The following CACNB2 variants were observed in gnomAD, a reference collection of about 807,000 sequenced individuals.
CACNB2 encodes calcium voltage-gated channel auxiliary subunit beta 2.
A neutral mutation model predicts 73.3 loss-of-function variants in CACNB2; 42 were observed. That is an observed-to-expected ratio of 0.57 (90% CI 0.45 to 0.74). CACNB2 has a LOEUF of 0.74. CACNB2 is among the 30% of genes least tolerant of loss of function. The probability of loss-of-function intolerance (pLI) is 0.00; values close to 1 mark genes in which losing one functional copy is unlikely to be tolerated. For missense variants in CACNB2, 940 were observed against 853.0 expected, an observed-to-expected ratio of 1.10 and a Z score of -1.27; for synonymous variants, 348 against 310.3, an observed-to-expected ratio of 1.12 and a Z score of -1.28.
intron 2 of CACNB2, among the ~76,000 whole-genome samples, chr10:18,156,477 T>A (rs1588569403): frequency 6.6e-6 from 1 of 152,194 alleles, no homozygotes; most frequent in Non-Finnish European, 1.5e-5. Context: ...GGAAACTGGA[T>A]TCATGTTAGC....
chr10:18,347,557 C>CT (rs11326102), intron 2 of CACNB2, among the ~76,000 whole-genome samples: 237 of 148,996 alleles, frequency 1.6e-3, no homozygotes, highest in African/African-American at 5.6e-3. Flanking sequence ...CATCTCTAGG[C>CT]TTTTTTTTTT....
intron 2 of CACNB2, among the ~76,000 whole-genome samples, chr10:18,333,718 T>C (rs1394412987): frequency 1.3e-5 from 2 of 152,204 alleles, no homozygotes; most frequent in Non-Finnish European, 2.9e-5. Context: ...AGCATGGTCT[T>C]GTATAATCAA....
At chr10:18,412,647 A>C (rs529021237) in intron 3 of CACNB2, among the ~76,000 whole-genome samples, 60 of 152,338 alleles carry the variant, frequency 3.9e-4, no homozygotes, top group African/African-American at 1.2e-3. Context: ...TTTGTCTTGC[A>C]GGTGCTGGTA....
rs533516121 is a variant in CACNB2, at chr10:18,532,666, G to C, written c.1055-1410G>C. On this transcript the variant is annotated intron_variant, in intron 10 of 13. Coordinates refer to ENST00000324631, the MANE Select transcript of CACNB2 (RefSeq NM_201596.3). Reference sequence around the variant, plus strand: ...CACTCCAGCCTGGGAGACAGAGAGAGACTCTGTCTCAAAAAAAAAAAAAAA... The same window carrying C: ...CACTCCAGCCTGGGAGACAGAGAGACACTCTGTCTCAAAAAAAAAAAAAAA... Among the ~76,000 whole-genome samples, 32 of 115,128 alleles carry C rather than the reference G, an allele frequency of 2.8e-4. 1 individual carries two copies. In the South Asian group the frequency reaches 7.9e-3, roughly 29 times the overall value. The allele number at this position is 115,128 out of a possible 152,430, so 75.5% of individuals were successfully genotyped here.
rs1417541681 is a variant in CACNB2, at chr10:18,261,023, TGAA to T, written c.213+110054_213+110056del. On this transcript the variant is annotated intron_variant, in intron 2 of 13. Transcript: ENST00000324631. ...GATTTTTGCAAATAGGAAACCCCCT[TGAA>T]GAAGATCTCAAATTACGCCCCCCAC... 16 of 1,382,236 alleles carry T rather than the reference TGAA, an allele frequency of 1.2e-5. No homozygotes were observed. In the Admixed American group the frequency reaches 4.8e-4, roughly 41 times the overall value. The allele number at this position is 1,382,236 out of a possible 1,614,324, so 85.6% of individuals were successfully genotyped here.
intron 3 of CACNB2, among the ~76,000 whole-genome samples, chr10:18,419,073 C>T (rs944957908): frequency 2.0e-5 from 3 of 152,200 alleles, no homozygotes; most frequent in African/African-American, 7.2e-5. Flanking sequence ...CACTCATCCC[C>T]AGGCAGAATT....
In CACNB2 at chr10:18,480,772, T is replaced by G. The variant is rs558577354; in HGVS notation, c.334-17583T>G. On this transcript the variant is annotated intron_variant, in intron 3 of 13. Coordinates refer to ENST00000324631, the MANE Select transcript of CACNB2 (RefSeq NM_201596.3). ...CGAATTTATCCCCTGCTGGTGGGCATGAAAATTAGCACATCTCCCTGGAGG... is the reference window on the plus strand; with the variant it reads ...CGAATTTATCCCCTGCTGGTGGGCAGGAAAATTAGCACATCTCCCTGGAGG... 5.3e-5 allele frequency among the ~76,000 whole-genome samples: 8 copies of G among 152,292 alleles called. No homozygotes were observed. The East Asian group carries it at 1.5e-3, about 29-fold the overall frequency.
rs1564554125 is a variant in CACNB2, at chr10:18,442,998, GTGTATATATATATATGTATA to G, written c.333+40957_333+40976del. On this transcript the variant is annotated intron_variant, in intron 3 of 13. Coordinates refer to ENST00000324631, the MANE Select transcript of CACNB2 (RefSeq NM_201596.3). Reference sequence around the variant, plus strand: ...TATATATATATATGTATATATATATGTGTATATATATATATGTATATATATATATATATATATAAATAAGG... The same window carrying G: ...TATATATATATATGTATATATATATGTATATATATATATATATAAATAAGG... 4.1e-3 allele frequency among the ~76,000 whole-genome samples: 37 copies of G among 9,116 alleles called. 5 individuals carry two copies. Among genetic ancestry groups the G allele is most frequent in the East Asian group, 0.013 (5 of 380 alleles). 6.0% of individuals were successfully genotyped at this position (9,116 alleles called of 152,430 possible). A position where few individuals can be genotyped will look rare whatever the true frequency, so the allele number is the denominator to read the frequency against.
At chr10:18,235,160 C>A (rs1277756) in intron 2 of CACNB2, among the ~76,000 whole-genome samples, 31 of 146,944 alleles carry the variant, frequency 2.1e-4, no homozygotes, top group African/African-American at 3.5e-4. Flanking sequence ...AAAAAAAAAA[C>A]AGTTAAAAGG....
chr10:18,305,911 T>C (rs1208292870), intron 2 of CACNB2, among the ~76,000 whole-genome samples: 1 of 152,010 alleles, frequency 6.6e-6, no homozygotes, highest in African/African-American at 2.4e-5. Context: ...GAGGCTGCAG[T>C]GAGCTATGAT....
At chr10:18,368,085 C>T (rs1186803406) in intron 2 of CACNB2, among the ~76,000 whole-genome samples, 1 of 152,144 alleles carries the variant, frequency 6.6e-6, no homozygotes, top group African/African-American at 2.4e-5. Flanking sequence ...TCTTGAAAAG[C>T]AACTGAGCTC....
chr10:18,335,226 G>C (rs890787590), intron 2 of CACNB2, among the ~76,000 whole-genome samples: 3 of 151,972 alleles, frequency 2.0e-5, no homozygotes, highest in Admixed American at 6.6e-5. Context: ...TGACCAAATT[G>C]TCTTGGATTT....
chr10:18,257,014 A>G (rs565751063), intron 2 of CACNB2: 1 of 152,326 alleles, frequency 6.6e-6, no homozygotes, highest in East Asian at 1.9e-4. Context: ...ATCAGAGCAA[A>G]AGTGCCAATA....
Position 18,339,486 on chromosome 10 carries a change from A to C in CACNB2, c.214-62438A>C, listed in dbSNP as rs1224770847. Among the ~76,000 whole-genome samples the C allele has an allele frequency of 4.6e-5, 7 of 152,156 alleles. No individual in the cohort carries two copies. The East Asian group carries it at 9.7e-4, about 21-fold the overall frequency. Reference sequence around the variant, plus strand: ...CAGTGAGCCGAGATCGCGCCACTGCACTACAGCCCGGGCAACACAGCAAGA... The same window carrying C: ...CAGTGAGCCGAGATCGCGCCACTGCCCTACAGCCCGGGCAACACAGCAAGA... On this transcript the variant is annotated intron_variant, in intron 2 of 13. Transcript: ENST00000324631.
At chr10:18,395,438 G>A (rs2043671349) in intron 2 of CACNB2, among the ~76,000 whole-genome samples, 1 of 150,946 alleles carries the variant, frequency 6.6e-6, no homozygotes, top group South Asian at 2.1e-4. Context: ...TATTTTTCTG[G>A]TGCCTTTTAA....
At chr10:18,284,080 A>T (rs896075887) in intron 2 of CACNB2, among the ~76,000 whole-genome samples, 1 of 152,100 alleles carries the variant, frequency 6.6e-6, no homozygotes, top group African/African-American at 2.4e-5. Flanking sequence ...TAAAAATAAA[A>T]AAATAATAAA....
intron 2 of CACNB2, among the ~76,000 whole-genome samples, chr10:18,308,097 G>T (rs563842077): frequency 7.0e-6 from 1 of 143,642 alleles, no homozygotes; most frequent in Non-Finnish European, 1.5e-5. Flanking sequence ...AGGTTCAAGC[G>T]ATTCTCCTAT....
chr10:18,238,459 A>C (rs1299946533), intron 2 of CACNB2: 1 of 152,104 alleles, frequency 6.6e-6, no homozygotes, highest in East Asian at 1.9e-4. Flanking sequence ...CATTTTTCTC[A>C]TTATATGATT....
chr10:18,478,471 T>C (rs2048553267), intron 3 of CACNB2, among the ~76,000 whole-genome samples: 1 of 152,196 alleles, frequency 6.6e-6, no homozygotes, highest in South Asian at 2.1e-4. Context: ...CCACTTGATG[T>C]TGAGTGTGAA....
Sources: gnomAD v4.1 joint callset for allele counts (sites outside exome capture counted in the v4.1 genomes callset) on GRCh38, gnomAD v4.1.1 for gene constraint, MANE v1.5 for transcripts, NCBI Gene and HGNC (gene_info 2026-07-23, HGNC 2026-07-21) for gene names.